Variants in LCORL observed in about 807,000 individuals in gnomAD.
LCORL encodes the protein ligand dependent nuclear receptor corepressor like, also known as ligand-dependent nuclear receptor corepressor-like protein.
In LCORL, 41 loss-of-function variants were observed where a neutral mutation model predicts 141.8. That is an observed-to-expected ratio of 0.29 (90% CI 0.23 to 0.38). The LOEUF (loss-of-function observed/expected upper bound fraction) is 0.38, where lower values mean the gene tolerates loss of function less well. LCORL is among the 10% of genes least tolerant of loss of function. The pLI, the probability that LCORL is intolerant of heterozygous loss-of-function variation, is 1.00. For synonymous variants in LCORL, 618 were observed against 694.1 expected, an observed-to-expected ratio of 0.89 and a Z score of 1.72; for missense variants, 1,759 against 2,035.0, an observed-to-expected ratio of 0.86 and a Z score of 2.61.
intron 4 of LCORL, among the ~76,000 whole-genome samples, chr4:17,942,719 G>A (rs1470705994): frequency 6.6e-6 from 1 of 152,054 alleles, no homozygotes. Flanking sequence ...TGCTCTCTAG[G>A]AGTTAACAAC....
At chr4:17,945,201 G>C (rs1738661243) in intron 4 of LCORL, among the ~76,000 whole-genome samples, 1 of 151,902 alleles carries the variant, frequency 6.6e-6, no homozygotes. Context: ...TATTAAATGA[G>C]GTACATGGGA....
rs1724603221 is a variant in LCORL, at chr4:18,016,192, TTAGGGAATGCTTTC to T, written c.154+5392_154+5405del. 5.9e-5 allele frequency among the ~76,000 whole-genome samples: 9 copies of T among 152,046 alleles called. No homozygotes were observed. The South Asian group carries it at 1.2e-3, about 21-fold the overall frequency. On this transcript the variant is annotated intron_variant, in intron 1 of 7. Transcript: ENST00000635767. ...GTAAACCAATCATACTAGCAAACAC[TTAGGGAATGCTTTC>T]TATATGAAAGACACATATCAACATA...
intron 7 of LCORL, among the ~76,000 whole-genome samples, chr4:17,863,307 C>T (rs192490545): frequency 1.3e-5 from 2 of 152,144 alleles, no homozygotes; most frequent in African/African-American, 4.8e-5. Context: ...CAGAGTGAGA[C>T]TCTGTCTCAA....
intron 4 of LCORL, among the ~76,000 whole-genome samples, chr4:17,923,313 T>C (rs1427904533): frequency 6.6e-6 from 1 of 152,214 alleles, no homozygotes; most frequent in Non-Finnish European, 1.5e-5. Flanking sequence ...AAAAAGGTTC[T>C]AATAGTTTAT....
At chr4:17,948,520 T>A (rs553862648) in intron 4 of LCORL, among the ~76,000 whole-genome samples, 1 of 152,148 alleles carries the variant, frequency 6.6e-6, no homozygotes, top group East Asian at 1.9e-4. Flanking sequence ...TTACCTCCTT[T>A]GAAATTCTTG....
intron 5 of LCORL, among the ~76,000 whole-genome samples, chr4:17,901,937 T>C (rs560129056): frequency 6.6e-6 from 1 of 152,232 alleles, no homozygotes; most frequent in East Asian, 1.9e-4. Context: ...TCAATGTGTG[T>C]GTCTGTGTAC....
At chr4:17,870,456 T>C (rs1726211990) in intron 7 of LCORL, among the ~76,000 whole-genome samples, 1 of 152,168 alleles carries the variant, frequency 6.6e-6, no homozygotes, top group Non-Finnish European at 1.5e-5. Context: ...CCTAATTCCC[T>C]AAATCTGAGT....
intron 7 of LCORL, among the ~76,000 whole-genome samples, chr4:17,849,486 T>G (rs1723364585): frequency 1.3e-5 from 2 of 152,058 alleles, no homozygotes; most frequent in South Asian, 2.1e-4. Flanking sequence ...GAAGGAAAAC[T>G]AACAAACAGA....
intron 7 of LCORL, among the ~76,000 whole-genome samples, chr4:17,859,013 A>C (rs191775845): frequency 1.2e-4 from 19 of 152,358 alleles, no homozygotes; most frequent in Non-Finnish European, 1.8e-4. Context: ...TCTGTAAAGT[A>C]CAGTCTCTGG....
At chr4:17,986,157 T>C (rs1267130637) in intron 1 of LCORL, among the ~76,000 whole-genome samples, 2 of 152,212 alleles carry the variant, frequency 1.3e-5, no homozygotes, top group Admixed American at 1.3e-4. Context: ...TTCCCTTTTG[T>C]AAATGACCTG....
chr4:17,912,361 G>T (rs1019391949), intron 4 of LCORL: 3 of 663,240 alleles, frequency 4.5e-6, no homozygotes, highest in Non-Finnish European at 8.6e-6. Context: ...GGAAGTAAAA[G>T]GCCTACAAGC....
At chr4:18,007,438 A>C (rs999273982) in intron 1 of LCORL, among the ~76,000 whole-genome samples, 4 of 152,272 alleles carry the variant, frequency 2.6e-5, no homozygotes, top group African/African-American at 7.2e-5. Flanking sequence ...TCATGGACTC[A>C]TATAAGGAAA....
At chr4:17,983,541 T>C (rs552115928) in intron 1 of LCORL, among the ~76,000 whole-genome samples, 1 of 152,292 alleles carries the variant, frequency 6.6e-6, no homozygotes, top group Non-Finnish European at 1.5e-5. Context: ...TGAATGAGAC[T>C]GAGTTCCTGA....
intron 4 of LCORL, among the ~76,000 whole-genome samples, chr4:17,922,016 C>T (rs745623086): frequency 2.0e-5 from 3 of 152,150 alleles, no homozygotes; most frequent in Admixed American, 6.5e-5. Context: ...GCTGCACTGT[C>T]GGCTTCCCTA....
intron 4 of LCORL, among the ~76,000 whole-genome samples, chr4:17,926,058 C>T (rs1051558680): frequency 7.2e-5 from 11 of 151,994 alleles, no homozygotes; most frequent in African/African-American, 2.4e-4. Flanking sequence ...GACTGGTGCA[C>T]TGTATGAAGG....
intron 1 of LCORL, among the ~76,000 whole-genome samples, chr4:17,984,377 G>A (rs1455848712): frequency 1.3e-5 from 2 of 152,014 alleles, no homozygotes; most frequent in African/African-American, 2.4e-5. Context: ...GGTAGAATTC[G>A]GCTGTGAATC....
intron 1 of LCORL, among the ~76,000 whole-genome samples, chr4:18,009,918 G>A (rs1027308002): frequency 6.6e-5 from 10 of 151,968 alleles, no homozygotes; most frequent in South Asian, 2.1e-4. Context: ...TGCCTCCCAC[G>A]CACCCCACCC....
At chr4:17,876,113 A>G in exon 7 of LCORL, 1 of 1,230,972 alleles carries the variant, frequency 8.1e-7, no homozygotes, top group Non-Finnish European at 1.0e-6. Context: ...TGAGTTTGAT[A>G]GGACTAGAAT....
At chr4:17,954,512 T>C (rs1324165727) in intron 4 of LCORL, among the ~76,000 whole-genome samples, 1 of 152,198 alleles carries the variant, frequency 6.6e-6, no homozygotes, top group Non-Finnish European at 1.5e-5. Context: ...TAAATGTTTT[T>C]GGACAGAGGA....
Sources: allele counts gnomAD v4.1 joint callset (sites outside exome capture counted in the v4.1 genomes callset), GRCh38; gene constraint gnomAD v4.1.1; transcripts MANE v1.5; gene names NCBI Gene and HGNC (gene_info 2026-07-23, HGNC 2026-07-21).